LSAMP: variants seen among roughly 807,000 people sequenced by gnomAD.
The protein encoded by LSAMP is limbic system-associated membrane protein.
LSAMP carries 7 observed loss-of-function variants against 38.6 expected under a neutral mutation model. That is an observed-to-expected ratio of 0.18 (90% CI 0.10 to 0.34). The LOEUF (loss-of-function observed/expected upper bound fraction) is 0.34. Ranked by LOEUF, LSAMP falls within the 10% of genes least tolerant of loss-of-function variation. The probability of loss-of-function intolerance (pLI) is 1.00; values close to 1 mark genes in which losing one functional copy is unlikely to be tolerated. For synonymous variants in LSAMP, 154 were observed against 166.8 expected (o/e 0.92, Z 0.59); for missense variants, 313 against 420.0 (o/e 0.75, Z 2.23).
intron 1 of LSAMP, among the ~76,000 whole-genome samples, chr3:116,146,526 A>G (rs573039823): frequency 6.6e-6 from 1 of 152,058 alleles, no homozygotes; most frequent in African/African-American, 2.4e-5. Flanking sequence ...TTTTAGAAAA[A>G]GTGCCTCTTT....
At chr3:115,837,556 G>T (rs774802620) in intron 6 of LSAMP, among the ~76,000 whole-genome samples, 1 of 152,112 alleles carries the variant, frequency 6.6e-6, no homozygotes, top group Non-Finnish European at 1.5e-5. Flanking sequence ...CAGGCTACTG[G>T]GAGTTAATGA....
chr3:115,971,625 A>G (rs1243227123), intron 3 of LSAMP, among the ~76,000 whole-genome samples: 2 of 152,198 alleles, frequency 1.3e-5, no homozygotes, highest in Non-Finnish European at 2.9e-5. Context: ...AAAGTTAGTA[A>G]AAATCATAAA....
intron 1 of LSAMP, among the ~76,000 whole-genome samples, chr3:116,313,265 G>T (rs899068616): frequency 2.0e-5 from 3 of 152,180 alleles, no homozygotes; most frequent in African/African-American, 7.2e-5. Flanking sequence ...GAAACAAAAT[G>T]TGCCCTTCTG....
intron 2 of LSAMP, among the ~76,000 whole-genome samples, chr3:116,025,749 C>T (rs1317904297): frequency 6.6e-6 from 1 of 152,058 alleles, no homozygotes; most frequent in Non-Finnish European, 1.5e-5. Flanking sequence ...TGCTACCAAC[C>T]TGGCCAGCCC....
Position 116,386,201 on chromosome 3 carries a change from C to T in LSAMP, c.155+58676G>A, listed in dbSNP as rs563503616. Among the ~76,000 whole-genome samples the T allele has an allele frequency of 5.9e-5, 9 of 152,158 alleles. No homozygotes were observed. In the South Asian group the frequency reaches 1.0e-3, roughly 18 times the overall value. ...GCCAATAACACAATGGTTAAGATCA[C>T]GGGATTGGAGTCAAAGGGGTATCTG... On this transcript the variant is annotated intron_variant, in intron 1 of 6. Coordinates refer to ENST00000490035, the MANE Select transcript of LSAMP (RefSeq NM_002338.5).
intron 3 of LSAMP, among the ~76,000 whole-genome samples, chr3:115,864,078 G>A (rs553874140): frequency 6.6e-6 from 1 of 152,234 alleles, no homozygotes; most frequent in Admixed American, 6.5e-5. Context: ...TTAAAGAATT[G>A]TAACCACAGG....
chr3:115,886,459 C>G (rs9879389), intron 3 of LSAMP, among the ~76,000 whole-genome samples: 37,484 of 151,852 alleles, frequency 0.25, 5,478 homozygotes, highest in Non-Finnish European at 0.32. Flanking sequence ...ATCAGAACAA[C>G]AAAAGGTGGT....
rs2047760833 is a variant in LSAMP, at chr3:116,325,682, A to T, written c.155+119195T>A. On this transcript the variant is annotated intron_variant, in intron 1 of 6. Transcript: ENST00000490035. ...TTTTTCTGCCCTGAATTTATAGCAG[A>T]TATTTTCTCTTTATGTACACTTCAG... Among the ~76,000 whole-genome samples, 3 of 152,186 alleles carry T rather than the reference A, an allele frequency of 2.0e-5. No homozygotes were observed. The South Asian group carries it at 6.2e-4, about 31-fold the overall frequency.
At chr3:116,392,997 C>A (rs577915042) in intron 1 of LSAMP, among the ~76,000 whole-genome samples, 9 of 152,196 alleles carry the variant, frequency 5.9e-5, no homozygotes, top group African/African-American at 2.2e-4. Context: ...ACAAGCTGCC[C>A]ACTGGGGGTC....
At chr3:115,874,113 C>G (rs369588622) in intron 3 of LSAMP, among the ~76,000 whole-genome samples, 2 of 152,270 alleles carry the variant, frequency 1.3e-5, no homozygotes, top group South Asian at 4.1e-4. Flanking sequence ...AATATTGCCT[C>G]TGAATATTGC....
intron 1 of LSAMP, among the ~76,000 whole-genome samples, chr3:116,137,630 T>C (rs931228364): frequency 2.0e-5 from 3 of 152,174 alleles, no homozygotes; most frequent in Admixed American, 6.6e-5. Context: ...GATTTGTTTT[T>C]ATGGCTACCC....
intron 1 of LSAMP, among the ~76,000 whole-genome samples, chr3:116,397,306 T>C (rs924936647): frequency 1.7e-4 from 26 of 152,068 alleles, no homozygotes; most frequent in African/African-American, 6.3e-4. Context: ...TCTAGGTAAG[T>C]TCCTGCCTCA....
At chr3:115,867,891 A>G (rs1317693761) in intron 3 of LSAMP, among the ~76,000 whole-genome samples, 1 of 152,190 alleles carries the variant, frequency 6.6e-6, no homozygotes, top group East Asian at 1.9e-4. Context: ...ATAGATGAGC[A>G]TGTGATTGCA....
chr3:115,903,727 A>G (rs1295665803), intron 3 of LSAMP, among the ~76,000 whole-genome samples: 1 of 152,144 alleles, frequency 6.6e-6, no homozygotes, highest in Admixed American at 6.6e-5. Flanking sequence ...AAAAGGAACA[A>G]TTTTACAGGA....
At chr3:116,055,094 T>A (rs1941464555) in intron 2 of LSAMP, among the ~76,000 whole-genome samples, 1 of 152,180 alleles carries the variant, frequency 6.6e-6, no homozygotes. Flanking sequence ...TGATTTGCTG[T>A]GCAAATACAC....
chr3:115,868,473 CAG>C (rs1240119484), intron 3 of LSAMP, among the ~76,000 whole-genome samples: 2 of 152,054 alleles, frequency 1.3e-5, no homozygotes, highest in Admixed American at 6.6e-5. Context: ...TGGAAGAAAA[CAG>C]AGGTATGTGT....
intron 3 of LSAMP, among the ~76,000 whole-genome samples, chr3:115,876,799 T>C (rs1184869690): frequency 1.3e-5 from 2 of 152,106 alleles, no homozygotes; most frequent in Non-Finnish European, 2.9e-5. Context: ...AGGAAAAATA[T>C]GTTGGGATTC....
At chr3:115,890,964 T>C (rs1337092299) in intron 3 of LSAMP, among the ~76,000 whole-genome samples, 1 of 151,966 alleles carries the variant, frequency 6.6e-6, no homozygotes, top group Admixed American at 6.6e-5. Flanking sequence ...ATGTGTGCCC[T>C]GATGGGAAAA....
chr3:116,321,467 A>T (rs907309596), intron 1 of LSAMP, among the ~76,000 whole-genome samples: 4 of 152,204 alleles, frequency 2.6e-5, no homozygotes, highest in Non-Finnish European at 4.4e-5. Context: ...AGTGCTTACC[A>T]TGTGCCAAGT....
Sources: gnomAD v4.1 joint callset for allele counts (sites outside exome capture counted in the v4.1 genomes callset) on GRCh38, gnomAD v4.1.1 for gene constraint, MANE v1.5 for transcripts, NCBI Gene and HGNC (gene_info 2026-07-23, HGNC 2026-07-21) for gene names.